Variants in SPACA1 observed in about 807,000 individuals in gnomAD.
SPACA1 encodes sperm acrosome membrane-associated protein 1.
Under a neutral mutation model 32.6 loss-of-function variants are expected in SPACA1, and 17 were observed. The observed-to-expected ratio is 0.52, with a 90% CI of 0.36 to 0.78. The LOEUF is 0.78. Ranked by LOEUF, SPACA1 falls within the 30% of genes least tolerant of loss-of-function variation. The pLI is 0.01. For missense variants in SPACA1, 363 were observed against 373.4 expected (o/e 0.97, Z 0.23); for synonymous variants, 140 against 138.1 (o/e 1.01, Z -0.10).
In SPACA1 at chr6:88,066,406, C is replaced by A; in HGVS notation, c.*71C>A. 3 of 1,374,484 alleles carry A rather than the reference C, an allele frequency of 2.2e-6. No individual in the cohort carries two copies. Among genetic ancestry groups the A allele is most frequent in the Non-Finnish European group, 2.9e-6 (3 of 1,026,412 alleles). The allele number at this position is 1,374,484 out of a possible 1,614,324, so 85.1% of individuals were successfully genotyped here. The stretch of plus-strand genomic sequence containing the variant: ...GATTCATTATTACAAAAATAAAATA[C>A]ACATTGAAATACTTTAATAATGTTG... On this transcript the variant is annotated 3_prime_UTR_variant, in exon 7 of 7. Transcript: ENST00000237201.
At position 88,064,385 on chromosome 6, in the gene SPACA1, G is replaced by A. The variant is rs184669587; in HGVS notation, c.731+166G>A. 9.9e-5 allele frequency: 50 copies of A among 503,814 alleles called. 1 individual carries two copies. The highest frequency in any genetic ancestry group is 3.5e-4 in the East Asian group (10 of 28,404). 31.2% of individuals were successfully genotyped at this position (503,814 alleles called of 1,614,324 possible). On this transcript the variant is annotated intron_variant, in intron 6 of 6. Transcript: ENST00000237201. ...TGACTGCCCTAGTTCAGGCTGCCCCGTCTCTTTATGTAGATGCTTTTTAAA... is the reference window on the plus strand; with the variant it reads ...TGACTGCCCTAGTTCAGGCTGCCCCATCTCTTTATGTAGATGCTTTTTAAA...
Position 88,058,785 on chromosome 6 carries a change from G to A in SPACA1, c.437G>A (p.Arg146His), listed in dbSNP as rs117777526. Residue 146 changes from arginine to histidine, a missense_variant, in exon 4 of 7, where the codon CGT becomes CAT. Transcript: ENST00000237201. ...TGTATTCACACATCTCCCTTAAATCGTTTCAAATATATGTGGAAACTTCTA... is the reference window on the plus strand; with the variant it reads ...TGTATTCACACATCTCCCTTAAATCATTTCAAATATATGTGGAAACTTCTA... Reference protein sequence around the residue: ...LACIHTSPLNRFKYMWKLLRQ... With the variant: ...LACIHTSPLNHFKYMWKLLRQ... 442 of 1,613,318 alleles carry A rather than the reference G, an allele frequency of 2.7e-4. 4 individuals are homozygous for A. The East Asian group carries it at 4.4e-3, about 16-fold the overall frequency.
In SPACA1 at chr6:88,064,081, T is replaced by A. The variant is rs758306438; in HGVS notation, c.611-18T>A. 3.7e-6 allele frequency: 6 copies of A among 1,610,642 alleles called. No homozygotes were observed. The highest frequency in any genetic ancestry group is 4.2e-6 in the Non-Finnish European group (5 of 1,178,714). The stretch of plus-strand genomic sequence containing the variant: ...TTCCTCAGTAGTAATACTCCTTAGG[T>A]TTGTGTGTTTTCTCTAGAATTGCAG... On this transcript the variant is annotated intron_variant, in intron 5 of 6. Transcript: ENST00000237201.
chr6:88,048,143 G>A, intron 1 of SPACA1, 30 bp downstream of exon 1: 2 of 1,554,522 alleles, frequency 1.3e-6, no homozygotes, highest in Non-Finnish European at 1.7e-6. Context: ...TGCGGGGCAC[G>A]CGGAGGCCCC....
chr6:88,064,064 T>A (rs1244715885), intron 5 of SPACA1, 35 bp from the exon 6 acceptor site: 1 of 1,595,332 alleles, frequency 6.3e-7, no homozygotes, highest in Non-Finnish European at 8.5e-7. Context: ...TTTTCCTCAG[T>A]AGTAATACTC....
intron 1 of SPACA1, among the ~76,000 whole-genome samples, chr6:88,048,467 AT>A (rs5878059): frequency 0.9 from 136,383 of 151,450 alleles, 61,593 homozygotes; most frequent in African/African-American, 0.95. Context: ...CTCATAGTAG[AT>A]TTTTTTTTTC....
chr6:88,048,355 C>G (rs1775676185), intron 1 of SPACA1, among the ~76,000 whole-genome samples: 1 of 152,158 alleles, frequency 6.6e-6, no homozygotes, highest in South Asian at 2.1e-4. Flanking sequence ...AGAAACACTT[C>G]TAAATATTGC....
chr6:88,048,987 A>AT (rs1449892966), intron 1 of SPACA1, among the ~76,000 whole-genome samples: 2 of 152,102 alleles, frequency 1.3e-5, no homozygotes, highest in Admixed American at 1.3e-4. Context: ...CAGTCTATAC[A>AT]TATCGAGTGA....
At chr6:88,057,996 G>A (rs1006441095) in intron 3 of SPACA1, among the ~76,000 whole-genome samples, 7 of 152,164 alleles carry the variant, frequency 4.6e-5, no homozygotes, top group East Asian at 1.9e-4. Context: ...GTCCTGTGGC[G>A]AAATGCTTTT....
chr6:88,053,961 T>C lies in SPACA1; in HGVS notation c.224T>C (p.Val75Ala). Residue 75 changes from valine (V) to alanine (A), a missense_variant, in exon 2 of 7, where the codon GTC becomes GCC. Coordinates refer to ENST00000237201, the MANE Select transcript of SPACA1 (RefSeq NM_030960.3). ...PETEDVSNRNVVKEVEFGMCT... is the reference protein window; with the variant it reads ...PETEDVSNRNAVKEVEFGMCT... ...TTATGTTTAGTTTCAAATAGGAATG[T>C]CGTCAAAGAAGTAGAATTCGGAATG... 6.2e-7 allele frequency: 1 copy of C among 1,613,536 alleles called. No homozygotes were observed. The highest frequency in any genetic ancestry group is 2.2e-5 in the East Asian group (1 of 44,836).
At chr6:88,049,631 T>A (rs375446303) in intron 1 of SPACA1, among the ~76,000 whole-genome samples, 13 of 152,286 alleles carry the variant, frequency 8.5e-5, no homozygotes, top group African/African-American at 3.1e-4. Flanking sequence ...TTTTTTTTAG[T>A]CATTTAAAAA....
Position 88,058,819 on chromosome 6 carries a change from C to A in SPACA1, c.471C>A (p.Asp157Glu). 1 of 1,600,402 alleles carries A rather than the reference C, an allele frequency of 6.2e-7. No individual in the cohort carries two copies. The highest frequency in any genetic ancestry group is 1.1e-5 in the South Asian group (1 of 90,560). ...FKYMWKLLRQ[D>E]QQSIILVNDS... ...ATATGTGGAAACTTCTAAGACAAGA[C>A]CAAGTGAGTAATGAATGGATATAAC... The change falls in exon 4 of 7, where the codon GAC (aspartate) becomes GAA (glutamate). Residue 157 changes from aspartate (D) to glutamate (E), a missense_variant. Transcript: ENST00000237201.
rs1238629688 is a variant in SPACA1 at position 88,048,037 on chromosome 6, A to C, written c.132A>C (p.Glu44Asp). ...AAVQDAGLAH[E>D]GEGEEETENN... ...TCCAGGATGCCGGCCTGGCCCACGA[A>C]GGCGAGGGCGAGGAGGAGACCGAAA... Residue 44 changes from glutamate (E) to aspartate (D), a missense_variant, in exon 1 of 7, where the codon GAA becomes GAC. By Grantham distance (45) the Glu-to-Asp change is conservative. Coordinates refer to ENST00000237201, the MANE Select transcript of SPACA1 (RefSeq NM_030960.3). The C allele has an allele frequency of 6.2e-7, 1 of 1,602,266 alleles. No homozygotes were observed.
intron 1 of SPACA1, among the ~76,000 whole-genome samples, chr6:88,051,099 A>G (rs919073061): frequency 2.0e-5 from 3 of 152,114 alleles, no homozygotes; most frequent in Admixed American, 2.0e-4. Flanking sequence ...GTGAGCCGAG[A>G]TTACGCCACT....
chr6:88,051,045 G>C (rs1297248027), intron 1 of SPACA1, among the ~76,000 whole-genome samples: 1 of 152,082 alleles, frequency 6.6e-6, no homozygotes, highest in East Asian at 1.9e-4. Context: ...TACTCAGGAG[G>C]CTGAGGCAGG....
chr6:88,052,164 C>G (rs1000025312), intron 1 of SPACA1, among the ~76,000 whole-genome samples: 2 of 152,092 alleles, frequency 1.3e-5, no homozygotes, highest in Non-Finnish European at 2.9e-5. Context: ...AATGGACACT[C>G]AATACATCAT....
upstream of SPACA1, chr6:88,047,808 G>A: frequency 8.4e-7 from 1 of 1,196,440 alleles, no homozygotes; most frequent in Non-Finnish European, 1.1e-6. Context: ...TTCGGAGCCG[G>A]GCGGCTACGG....
intron 2 of SPACA1, 140 bp from the exon 3 acceptor site, chr6:88,057,472 A>T: frequency 1.8e-6 from 1 of 564,050 alleles, no homozygotes; most frequent in Non-Finnish European, 3.1e-6. Context: ...AAAAAATTTT[A>T]AGTGTTATCG....
intron 1 of SPACA1, among the ~76,000 whole-genome samples, chr6:88,050,379 A>G (rs1775711140): frequency 6.6e-6 from 1 of 152,234 alleles, no homozygotes; most frequent in African/African-American, 2.4e-5. Context: ...CAAGATAATC[A>G]TCATCTCTCA....
Sources: allele counts gnomAD v4.1 joint callset (sites outside exome capture counted in the v4.1 genomes callset), GRCh38; gene constraint gnomAD v4.1.1; transcripts MANE v1.5; gene names NCBI Gene and HGNC (gene_info 2026-07-23, HGNC 2026-07-21).